The following GFRA1 variants were observed in gnomAD, a reference collection of about 807,000 sequenced individuals.
The protein encoded by GFRA1 is GDNF family receptor alpha 1.
Under a neutral mutation model 51.6 loss-of-function variants are expected in GFRA1, and 16 were observed. The ratio of observed to expected loss-of-function variants is 0.31; its 90% CI spans 0.21 to 0.47. The LOEUF is 0.47. Among genes scored for constraint, GFRA1 ranks in the 20% least tolerant of loss-of-function variants. GFRA1 has a pLI of 1.00. For synonymous variants in GFRA1, 270 were observed against 241.3 expected (o/e 1.12, Z -1.10); for missense variants, 530 against 594.3 (o/e 0.89, Z 1.13).
chr10:116,064,079 G>GATC lies in GFRA1; in HGVS notation c.*316_*318dup, dbSNP rs1397088588. ...TGATGATCATCATCATGATCATGATGATCATCATCATGATCATCATCATCA... is the reference window on the plus strand; with the variant it reads ...TGATGATCATCATCATGATCATGATGATCATCATCATCATGATCATCATCATCA... On this transcript the variant is annotated 3_prime_UTR_variant, in exon 11 of 11. Coordinates refer to ENST00000355422, the MANE Select transcript of GFRA1 (RefSeq NM_005264.8). 1.6e-5 allele frequency: 2 copies of GATC among 121,996 alleles called. No individual in the cohort carries two copies. The highest frequency in any genetic ancestry group is 5.2e-4 in the East Asian group (2 of 3,878). The allele number at this position is 121,996 out of a possible 1,614,324, so 7.6% of individuals were successfully genotyped here.
intron 5 of GFRA1, among the ~76,000 whole-genome samples, chr10:116,197,708 C>T (rs1964003636): frequency 1.3e-5 from 2 of 152,246 alleles, no homozygotes; most frequent in East Asian, 1.9e-4. Context: ...ACTAGAAGTG[C>T]TACAAAGAAA....
At chr10:116,267,810 G>T (rs1300208304) in intron 4 of GFRA1, among the ~76,000 whole-genome samples, 3 of 152,136 alleles carry the variant, frequency 2.0e-5, no homozygotes, top group South Asian at 4.1e-4. Flanking sequence ...GTCCTGGCTG[G>T]ATCAAAGGGA....
intron 5 of GFRA1, among the ~76,000 whole-genome samples, chr10:116,159,202 C>T (rs1391570318): frequency 1.3e-5 from 2 of 152,124 alleles, no homozygotes; most frequent in East Asian, 3.9e-4. Context: ...TAGTAGACCA[C>T]TTTAGTTACC....
At chr10:116,118,624 G>C (rs533946032) in intron 6 of GFRA1, among the ~76,000 whole-genome samples, 1 of 152,238 alleles carries the variant, frequency 6.6e-6, no homozygotes, top group Admixed American at 6.5e-5. Flanking sequence ...CTCTCTGTTT[G>C]GGCCTCCTAG....
intron 5 of GFRA1, among the ~76,000 whole-genome samples, chr10:116,193,073 T>TA (rs1963415381): frequency 6.6e-6 from 1 of 152,102 alleles, no homozygotes; most frequent in South Asian, 2.1e-4. Context: ...TGGGAAACTG[T>TA]ATTTGTCAGG....
intron 5 of GFRA1, among the ~76,000 whole-genome samples, chr10:116,183,271 C>T (rs989467505): frequency 1.3e-5 from 2 of 152,168 alleles, no homozygotes; most frequent in African/African-American, 4.8e-5. Context: ...AAAGACAGTA[C>T]CCCACACTGG....
chr10:116,242,630 C>T (rs1236348153), intron 4 of GFRA1, among the ~76,000 whole-genome samples: 4 of 151,928 alleles, frequency 2.6e-5, no homozygotes, highest in African/African-American at 4.8e-5. Context: ...TACAGGCGCC[C>T]GCCTCCACGC....
chr10:116,108,307 G>A (rs1010151717), intron 6 of GFRA1, among the ~76,000 whole-genome samples: 9 of 152,116 alleles, frequency 5.9e-5, no homozygotes, highest in Admixed American at 4.6e-4. Context: ...TTCCTTCTTA[G>A]ATAGGGCATT....
chr10:116,269,215 G>A lies in GFRA1; in HGVS notation c.418+288C>T, dbSNP rs545879024. On this transcript the variant is annotated intron_variant, in intron 4 of 10. Transcript: ENST00000355422. ...CAGAAGTGGCACTCCCTTTGCAAGAGATGGCCAATCATATTTTAATGTGGA... is the reference window on the plus strand; with the variant it reads ...CAGAAGTGGCACTCCCTTTGCAAGAAATGGCCAATCATATTTTAATGTGGA... 6.6e-5 allele frequency among the ~76,000 whole-genome samples: 10 copies of A among 151,498 alleles called. No individual in the cohort carries two copies. The South Asian group carries it at 2.1e-3, about 32-fold the overall frequency.
chr10:116,219,981 T>A (rs1308224247), intron 4 of GFRA1, among the ~76,000 whole-genome samples: 1 of 152,216 alleles, frequency 6.6e-6, no homozygotes, highest in Admixed American at 6.5e-5. Flanking sequence ...CTAGATGATC[T>A]CTAAGGTCCC....
chr10:116,078,690 T>C (rs977627389), intron 9 of GFRA1, among the ~76,000 whole-genome samples: 1 of 150,628 alleles, frequency 6.6e-6, no homozygotes, highest in Admixed American at 6.6e-5. Flanking sequence ...TAGCCAAGGT[T>C]TGGATTTTTT....
At chr10:116,182,511 T>C (rs1370027235) in intron 5 of GFRA1, among the ~76,000 whole-genome samples, 1 of 152,196 alleles carries the variant, frequency 6.6e-6, no homozygotes, top group Non-Finnish European at 1.5e-5. Flanking sequence ...CTTGATACTG[T>C]GGCCAGTAAC....
At chr10:116,155,596 C>T (rs7090606) in intron 5 of GFRA1, among the ~76,000 whole-genome samples, 31,244 of 152,012 alleles carry the variant, frequency 0.21, 3,411 homozygotes, top group African/African-American at 0.29. Context: ...CCAATTTTTC[C>T]GAGCACATTT....
intron 7 of GFRA1, among the ~76,000 whole-genome samples, chr10:116,094,507 T>C (rs1023366494): frequency 1.3e-5 from 2 of 152,182 alleles, no homozygotes; most frequent in Non-Finnish European, 2.9e-5. Context: ...TGTCGTGATA[T>C]TTCTGATGAG....
chr10:116,094,786 G>C (rs1031579897), intron 7 of GFRA1, among the ~76,000 whole-genome samples: 1 of 152,088 alleles, frequency 6.6e-6, no homozygotes, highest in African/African-American at 2.4e-5. Context: ...AAATAACATC[G>C]CATTATACCT....
intron 6 of GFRA1, among the ~76,000 whole-genome samples, chr10:116,123,572 T>G (rs1051758392): frequency 6.6e-6 from 1 of 152,198 alleles, no homozygotes; most frequent in Non-Finnish European, 1.5e-5. Flanking sequence ...ACTCAGAATC[T>G]TCAACATCAC....
At chr10:116,077,408 A>ATAAAAGCTATTTTTCTAAGTCAT (rs1233751387) in intron 9 of GFRA1, among the ~76,000 whole-genome samples, 1 of 152,228 alleles carries the variant, frequency 6.6e-6, no homozygotes, top group Non-Finnish European at 1.5e-5. Flanking sequence ...ATAGATTTTG[A>ATAAAAGCTATTTTTCTAAGTCAT]TAAAAGCTAT....
At chr10:116,084,502 A>G (rs1359495966) in intron 9 of GFRA1, among the ~76,000 whole-genome samples, 1 of 152,130 alleles carries the variant, frequency 6.6e-6, no homozygotes, top group Non-Finnish European at 1.5e-5. Flanking sequence ...CCTGGGGCTG[A>G]GCGTGTGCCC....
At chr10:116,194,531 G>A (rs1490538048) in intron 5 of GFRA1, among the ~76,000 whole-genome samples, 1 of 152,176 alleles carries the variant, frequency 6.6e-6, no homozygotes, top group Non-Finnish European at 1.5e-5. Flanking sequence ...TAGCCAGATC[G>A]AGAGCTGGGT....
Sources: gnomAD v4.1 joint callset for allele counts (sites outside exome capture counted in the v4.1 genomes callset) on GRCh38, gnomAD v4.1.1 for gene constraint, MANE v1.5 for transcripts, NCBI Gene and HGNC (gene_info 2026-07-23, HGNC 2026-07-21) for gene names.